Variants in OTUD7A observed in about 807,000 individuals in gnomAD.
OTUD7A encodes OTU domain-containing protein 7A.
Under a neutral mutation model 65.7 loss-of-function variants are expected in OTUD7A, and 12 were observed. The ratio of observed to expected loss-of-function variants is 0.18; its 90% confidence interval spans 0.12 to 0.30. The LOEUF is 0.30. OTUD7A is among the 10% of genes least tolerant of loss of function. The pLI is 1.00. For missense variants in OTUD7A, 1,148 were observed against 1,304.8 expected (o/e 0.88, Z 1.85); for synonymous variants, 641 against 586.3 (o/e 1.09, Z -1.35).
At chr15:31,671,007 A>C (rs1393513079) in intron 1 of OTUD7A, among the ~76,000 whole-genome samples, 1 of 152,028 alleles carries the variant, frequency 6.6e-6, no homozygotes, top group Non-Finnish European at 1.5e-5. Context: ...AAAAAAAAAA[A>C]ATCTTCTCCC....
chr15:31,528,792 G>T (rs1194436820), intron 6 of OTUD7A, among the ~76,000 whole-genome samples: 1 of 152,266 alleles, frequency 6.6e-6, no homozygotes, highest in East Asian at 1.9e-4. Context: ...GCCAACAGGG[G>T]TTCCACAAGG....
chr15:31,555,771 T>C (rs2141153234), intron 5 of OTUD7A, among the ~76,000 whole-genome samples: 1 of 151,918 alleles, frequency 6.6e-6, no homozygotes, highest in Admixed American at 6.5e-5. Flanking sequence ...GTCAGGTTCA[T>C]GCTATCACCC....
intron 1 of OTUD7A, among the ~76,000 whole-genome samples, chr15:31,758,076 A>G (rs1894863638): frequency 6.6e-6 from 1 of 152,208 alleles, no homozygotes; most frequent in Non-Finnish European, 1.5e-5. Context: ...GTAGGTTTTC[A>G]TTTACTTTTA....
chr15:31,486,009 A>G (rs2041231717), intron 12 of OTUD7A, among the ~76,000 whole-genome samples: 1 of 152,158 alleles, frequency 6.6e-6, no homozygotes, highest in South Asian at 2.1e-4. Context: ...TGGGCCAGGA[A>G]GGGAGGTGCG....
chr15:31,846,698 G>T (rs1049227937), intron 1 of OTUD7A, among the ~76,000 whole-genome samples: 3 of 152,050 alleles, frequency 2.0e-5, no homozygotes, highest in African/African-American at 4.8e-5. Context: ...CTGAAACCTC[G>T]GTTTAAGAAG....
chr15:31,671,786 G>C (rs1892489938), intron 1 of OTUD7A, among the ~76,000 whole-genome samples: 1 of 151,632 alleles, frequency 6.6e-6, no homozygotes, highest in Non-Finnish European at 1.5e-5. Context: ...TTTTACTTTA[G>C]GCTCGGGGGA....
intron 3 of OTUD7A, among the ~76,000 whole-genome samples, chr15:31,645,985 C>T (rs967343413): frequency 9.2e-5 from 14 of 152,180 alleles, no homozygotes; most frequent in African/African-American, 1.4e-4. Flanking sequence ...AGTGGGAGTT[C>T]TTAATATGCA....
At chr15:31,665,194 A>T (rs1177156590) in intron 1 of OTUD7A, among the ~76,000 whole-genome samples, 2 of 152,218 alleles carry the variant, frequency 1.3e-5, no homozygotes, top group African/African-American at 4.8e-5. Flanking sequence ...AATTCTGTGA[A>T]GAATGATGGC....
At position 31,589,868 on chromosome 15, in the gene OTUD7A, T is replaced by C. The variant is rs141186902; in HGVS notation, c.152-19671A>G. Among the ~76,000 whole-genome samples, 16 of 152,322 alleles carry C rather than the reference T, an allele frequency of 1.1e-4. No individual in the cohort carries two copies. The East Asian group carries it at 3.1e-3, about 29-fold the overall frequency. On this transcript the variant is annotated intron_variant, in intron 3 of 12. Coordinates refer to ENST00000307050, the MANE Select transcript of OTUD7A (RefSeq NM_001382637.1). The stretch of plus-strand genomic sequence containing the variant: ...ATTTTGTGTTACTCTGTAAGATTAG[T>C]ATTGAAACTATCAATCTCATGGTAA...
At chr15:31,775,116 ACACCC>A in intron 1 of OTUD7A, among the ~76,000 whole-genome samples, 1 of 142,862 alleles carries the variant, frequency 7.0e-6, no homozygotes, top group Non-Finnish European at 1.5e-5. Flanking sequence ...ACACACACAC[ACACCC>A]CTCCCCTCTT....
intron 1 of OTUD7A, among the ~76,000 whole-genome samples, chr15:31,783,290 C>T (rs554153559): frequency 6.6e-6 from 1 of 152,266 alleles, no homozygotes; most frequent in African/African-American, 2.4e-5. Flanking sequence ...ATCTCTCCCC[C>T]GTCTAGGGGC....
At chr15:31,587,639 CAAAAAAA>C (rs11445101) in intron 3 of OTUD7A, among the ~76,000 whole-genome samples, 3 of 129,850 alleles carry the variant, frequency 2.3e-5, no homozygotes, top group Non-Finnish European at 5.1e-5. Flanking sequence ...GACTCCATTT[CAAAAAAA>C]AAAAAAAAGA....
intron 3 of OTUD7A, among the ~76,000 whole-genome samples, chr15:31,589,690 ATTGT>A (rs559615492): frequency 6.6e-6 from 1 of 152,028 alleles, no homozygotes; most frequent in Non-Finnish European, 1.5e-5. Flanking sequence ...GGCGGATGTG[ATTGT>A]TTGGGTAACT....
chr15:31,692,897 T>TC (rs200486949), intron 1 of OTUD7A, among the ~76,000 whole-genome samples: 27,686 of 133,414 alleles, frequency 0.21, 18 homozygotes, highest in Middle Eastern at 0.29. Flanking sequence ...AGGATGCCCA[T>TC]CCCCACCACT....
chr15:31,770,343 T>C (rs1895201014), intron 1 of OTUD7A, among the ~76,000 whole-genome samples: 2 of 152,148 alleles, frequency 1.3e-5, no homozygotes, highest in African/African-American at 4.8e-5. Flanking sequence ...TTCTTAGAAA[T>C]ATACAAATTA....
Position 31,839,664 on chromosome 15 carries a change from T to C in OTUD7A, c.-100+30843A>G, listed in dbSNP as rs115334794. Among the ~76,000 whole-genome samples the C allele has an allele frequency of 5.3e-3, 810 of 152,186 alleles. 4 individuals carry two copies. Among genetic ancestry groups the C allele is most frequent in the African/African-American group, 0.012 (513 of 41,532 alleles). On this transcript the variant is annotated intron_variant, in intron 1 of 12. Coordinates refer to ENST00000307050, the MANE Select transcript of OTUD7A (RefSeq NM_001382637.1). ...ATATTCCAGGGACATCCCGGCTCCA[T>C]TGAACCAAAAAGTGGGTTGAGAAAC... is the stretch of plus-strand genomic sequence containing the variant.
chr15:31,816,948 CAAACTAATAAAG>C (rs889311441), intron 1 of OTUD7A, among the ~76,000 whole-genome samples: 8 of 152,150 alleles, frequency 5.3e-5, no homozygotes, highest in African/African-American at 1.9e-4. Context: ...TTAAGAAAGG[CAAACTAATAAAG>C]AAACCAAATA....
intron 8 of OTUD7A, among the ~76,000 whole-genome samples, chr15:31,524,659 C>T (rs1409564110): frequency 6.6e-6 from 1 of 152,156 alleles, no homozygotes; most frequent in Non-Finnish European, 1.5e-5. Context: ...TTAGTTTCCC[C>T]TCTCTGGCCA....
Position 31,801,167 on chromosome 15 carries a change from A to G in OTUD7A, c.-100+69340T>C, listed in dbSNP as rs543154127. ...CCTCCTAATGAACAATCACTAGCAC[A>G]TTCAACACACTCAACACAGGCAGGA... On this transcript the variant is annotated intron_variant, in intron 1 of 12. Coordinates refer to ENST00000307050, the MANE Select transcript of OTUD7A (RefSeq NM_001382637.1). Among the ~76,000 whole-genome samples the G allele has an allele frequency of 2.0e-5, 3 of 152,238 alleles. No individual in the cohort carries two copies. In the South Asian group the frequency reaches 6.2e-4, roughly 32 times the overall value.
Sources: gnomAD v4.1 joint callset for allele counts (sites outside exome capture counted in the v4.1 genomes callset) on GRCh38, gnomAD v4.1.1 for gene constraint, MANE v1.5 for transcripts, NCBI Gene and HGNC (gene_info 2026-07-23, HGNC 2026-07-21) for gene names.